The following FMN2 variants were observed in gnomAD, a reference collection of about 807,000 sequenced individuals.
FMN2 encodes formin-2.
In FMN2, 51 loss-of-function variants were observed where a neutral mutation model predicts 142.3. The ratio of observed to expected loss-of-function variants is 0.36; its 90% CI spans 0.29 to 0.45. The LOEUF is 0.45. Among genes scored for constraint, FMN2 ranks in the 20% least tolerant of loss-of-function variants. The probability of loss-of-function intolerance (pLI) is 1.00; values close to 1 mark genes in which losing one functional copy is unlikely to be tolerated. For missense variants in FMN2, 1,936 were observed against 2,122.8 expected (o/e 0.91, Z 1.73); for synonymous variants, 882 against 869.8 (o/e 1.01, Z -0.25).
intron 2 of FMN2, chr1:240,144,223 A>C: frequency 6.5e-7 from 1 of 1,545,866 alleles, no homozygotes; most frequent in African/African-American, 1.4e-5. Context: ...TGTCTTAAAC[A>C]AAAGCTGCAT....
chr1:240,235,193 C>A (rs1014283102), intron 6 of FMN2, among the ~76,000 whole-genome samples: 6 of 152,066 alleles, frequency 3.9e-5, no homozygotes, highest in Non-Finnish European at 2.9e-5. Context: ...TAAGATATTG[C>A]GATAAATCAA....
chr1:240,458,232 A>C (rs1360928), intron 16 of FMN2: 117,570 of 152,052 alleles, frequency 0.77, 45,494 homozygotes, highest in Middle Eastern at 0.83. Context: ...AAAATTGTGA[A>C]CTTTGTTCTC....
At chr1:240,426,822 G>A (rs1406764823) in intron 15 of FMN2, among the ~76,000 whole-genome samples, 3 of 152,072 alleles carry the variant, frequency 2.0e-5, no homozygotes, top group South Asian at 2.1e-4. Context: ...TGCATCCTCC[G>A]CCTCCCGGGT....
At chr1:240,118,164 C>A (rs1662097263) in intron 1 of FMN2, among the ~76,000 whole-genome samples, 2 of 151,992 alleles carry the variant, frequency 1.3e-5, no homozygotes, top group Admixed American at 1.3e-4. Context: ...GCTCTTGCAT[C>A]TGGTGAGTGT....
At chr1:240,382,557 A>G (rs1248086788) in intron 14 of FMN2, among the ~76,000 whole-genome samples, 1 of 152,036 alleles carries the variant, frequency 6.6e-6, no homozygotes, top group Admixed American at 6.6e-5. Context: ...GCTACTCAGG[A>G]GGCCGAGGCA....
At chr1:240,435,957 C>T (rs1439638431) in intron 15 of FMN2, among the ~76,000 whole-genome samples, 1 of 152,180 alleles carries the variant, frequency 6.6e-6, no homozygotes, top group African/African-American at 2.4e-5. Flanking sequence ...TGAGACCTAA[C>T]TTCAGCCTAA....
intron 4 of FMN2, among the ~76,000 whole-genome samples, chr1:240,192,840 A>ATT (rs34381897): frequency 4.7e-5 from 7 of 149,950 alleles, no homozygotes; most frequent in Non-Finnish European, 8.9e-5. Context: ...GAAAGAAAGG[A>ATT]TTTTTTTTTT....
At chr1:240,335,161 T>C (rs990321906) in intron 13 of FMN2, among the ~76,000 whole-genome samples, 2 of 152,202 alleles carry the variant, frequency 1.3e-5, no homozygotes, top group South Asian at 2.1e-4. Context: ...AGTTCTTATG[T>C]ATTCAACAAC....
intron 2 of FMN2, among the ~76,000 whole-genome samples, chr1:240,129,036 G>A (rs1662629961): frequency 6.6e-6 from 1 of 151,980 alleles, no homozygotes; most frequent in Admixed American, 6.6e-5. Flanking sequence ...ACGACGCCGA[G>A]CTAATTTTTG....
intron 6 of FMN2, among the ~76,000 whole-genome samples, chr1:240,238,677 T>C (rs78803045): frequency 6.6e-6 from 1 of 152,240 alleles, no homozygotes. Flanking sequence ...ACAATTACGT[T>C]GGAAATCTAC....
chr1:240,286,051 G>A (rs1237641082), intron 7 of FMN2, among the ~76,000 whole-genome samples: 9 of 152,116 alleles, frequency 5.9e-5, no homozygotes, highest in Non-Finnish European at 1.2e-4. Flanking sequence ...GTTCAGTGTA[G>A]CATTTTCGGT....
intron 2 of FMN2, chr1:240,171,203 T>C (rs1664689332): frequency 1.3e-6 from 1 of 796,206 alleles, no homozygotes; most frequent in South Asian, 1.3e-5. Flanking sequence ...GTTGATGAAT[T>C]TGTGACTCAC....
At chr1:240,328,147 C>CAAAAAAAAAA (rs780595882) in intron 8 of FMN2, among the ~76,000 whole-genome samples, 17 of 51,412 alleles carry the variant, frequency 3.3e-4, no homozygotes, top group South Asian at 1.0e-3. Flanking sequence ...GACCCCATCT[C>CAAAAAAAAAA]AAAAAAAAAA....
intron 8 of FMN2, among the ~76,000 whole-genome samples, chr1:240,313,849 C>A (rs1670675340): frequency 6.6e-6 from 1 of 152,000 alleles, no homozygotes; most frequent in African/African-American, 2.4e-5. Context: ...CGATGTGTGC[C>A]TGTAGTCCCA....
intron 16 of FMN2, among the ~76,000 whole-genome samples, chr1:240,449,765 C>G (rs780618950): frequency 1.3e-5 from 2 of 152,106 alleles, no homozygotes; most frequent in African/African-American, 2.4e-5. Context: ...CATATATATG[C>G]TATTTCATTT....
At chr1:240,352,228 T>C (rs1001148566) in intron 13 of FMN2, among the ~76,000 whole-genome samples, 2 of 152,200 alleles carry the variant, frequency 1.3e-5, no homozygotes, top group East Asian at 1.9e-4. Flanking sequence ...GTTCTGTTCG[T>C]GGCAGTCTTC....
intron 5 of FMN2, among the ~76,000 whole-genome samples, chr1:240,209,303 T>C (rs1000797144): frequency 6.6e-6 from 1 of 150,482 alleles, no homozygotes; most frequent in African/African-American, 2.4e-5. Flanking sequence ...CAGGCTGGAG[T>C]GCAGCGGTGC....
intron 6 of FMN2, among the ~76,000 whole-genome samples, chr1:240,228,128 A>AC (rs1457362201): frequency 6.6e-6 from 1 of 151,328 alleles, no homozygotes; most frequent in African/African-American, 2.4e-5. Flanking sequence ...ACATGGAGAA[A>AC]CCCCATCTCT....
chr1:240,188,066 G>A (rs1558347580), intron 3 of FMN2, 141 bp from the exon 4 acceptor site: 1 of 707,012 alleles, frequency 1.4e-6, no homozygotes, highest in Non-Finnish European at 2.4e-6. Flanking sequence ...TAATAACCCA[G>A]TTATATAATT....
Sources: gnomAD v4.1 joint callset for allele counts (sites outside exome capture counted in the v4.1 genomes callset) on GRCh38, gnomAD v4.1.1 for gene constraint, MANE v1.5 for transcripts, NCBI Gene and HGNC (gene_info 2026-07-23, HGNC 2026-07-21) for gene names.